LRP1B: variants seen among roughly 807,000 people sequenced by gnomAD.
LRP1B encodes the protein LDL receptor related protein 1B, also known as low-density lipoprotein receptor-related protein 1B.
LRP1B carries 217 observed loss-of-function variants against 556.6 expected under a neutral mutation model. That is an observed-to-expected ratio of 0.39 (90% CI 0.35 to 0.44). The LOEUF (loss-of-function observed/expected upper bound fraction) is 0.44, where lower values mean the gene tolerates loss of function less well. Among genes scored for constraint, LRP1B ranks in the 20% least tolerant of loss-of-function variants. LRP1B has a pLI of 1.00. For missense variants in LRP1B, 5,053 were observed against 5,620.8 expected (o/e 0.90, Z 3.23); for synonymous variants, 2,047 against 1,865.8 (o/e 1.10, Z -2.50).
At chr2:140,730,508 AAC>A (rs550310988) in intron 35 of LRP1B, among the ~76,000 whole-genome samples, 70 of 152,304 alleles carry the variant, frequency 4.6e-4, no homozygotes, top group African/African-American at 1.7e-3. Context: ...TATAAAATTA[AAC>A]AGTTATAATA....
At chr2:141,606,993 C>A (rs537720669) in intron 2 of LRP1B, among the ~76,000 whole-genome samples, 1 of 151,938 alleles carries the variant, frequency 6.6e-6, no homozygotes, top group African/African-American at 2.4e-5. Context: ...CCCTCCCTCC[C>A]TTCCTTCCTT....
chr2:141,883,949 T>G (rs1348925386), intron 1 of LRP1B, among the ~76,000 whole-genome samples: 3 of 152,216 alleles, frequency 2.0e-5, no homozygotes, highest in Non-Finnish European at 4.4e-5. Context: ...GTAATTGTCA[T>G]GAAAGGAAGA....
rs530109594 is a variant in LRP1B at position 141,728,440 on chromosome 2, A to C, written c.205+81839T>G. On this transcript the variant is annotated intron_variant, in intron 2 of 90. Coordinates refer to ENST00000389484, the MANE Select transcript of LRP1B (RefSeq NM_018557.3). ...AATAAAGGAAGAGAGAGTCTAGGGA[A>C]TGATTCCTTTCTATTTTACTTTTTT... Among the ~76,000 whole-genome samples, 25 of 152,214 alleles carry C rather than the reference A, an allele frequency of 1.6e-4. No individual in the cohort carries two copies. The East Asian group carries it at 4.5e-3, about 27-fold the overall frequency.
intron 41 of LRP1B, among the ~76,000 whole-genome samples, chr2:140,635,985 T>C (rs1191832085): frequency 6.6e-6 from 1 of 152,044 alleles, no homozygotes; most frequent in Non-Finnish European, 1.5e-5. Context: ...TTCTTTGAGG[T>C]CTGTTGATAG....
chr2:141,904,644 G>A (rs139846912), intron 1 of LRP1B, among the ~76,000 whole-genome samples: 79 of 151,978 alleles, frequency 5.2e-4, no homozygotes, highest in African/African-American at 1.9e-3. Context: ...GCAGTGACAT[G>A]AACTAAATGG....
chr2:140,549,523 C>T (rs1680468146), intron 43 of LRP1B, among the ~76,000 whole-genome samples: 1 of 152,164 alleles, frequency 6.6e-6, no homozygotes, highest in Non-Finnish European at 1.5e-5. Context: ...CTCATTGTAT[C>T]ACTGTCATGG....
chr2:140,994,745 G>A (rs1697193311), intron 15 of LRP1B, among the ~76,000 whole-genome samples: 1 of 151,688 alleles, frequency 6.6e-6, no homozygotes, highest in Non-Finnish European at 1.5e-5. Context: ...TAAAAATAAT[G>A]TCCTAAAATT....
chr2:140,829,427 A>C (rs1044043898), intron 31 of LRP1B, among the ~76,000 whole-genome samples: 6 of 152,222 alleles, frequency 3.9e-5, no homozygotes, highest in Non-Finnish European at 8.8e-5. Flanking sequence ...AAATTGTATC[A>C]AGTTTCTCTC....
At chr2:141,600,573 GT>G (rs1379081823) in intron 2 of LRP1B, among the ~76,000 whole-genome samples, 3 of 151,538 alleles carry the variant, frequency 2.0e-5, no homozygotes, top group Non-Finnish European at 2.9e-5. Flanking sequence ...AACTGCAAAC[GT>G]AACCACCATT....
chr2:141,508,060 T>C (rs1248881206), intron 2 of LRP1B, among the ~76,000 whole-genome samples: 1 of 148,098 alleles, frequency 6.8e-6, no homozygotes, highest in Non-Finnish European at 1.5e-5. Context: ...CATTCCAGTC[T>C]GGATGAAAGA....
At chr2:141,653,737 A>G (rs1307167376) in intron 2 of LRP1B, among the ~76,000 whole-genome samples, 3 of 152,230 alleles carry the variant, frequency 2.0e-5, no homozygotes, top group Non-Finnish European at 4.4e-5. Context: ...CAACCTGAGT[A>G]TATTAATGTG....
intron 63 of LRP1B, among the ~76,000 whole-genome samples, chr2:140,446,688 A>C (rs7422845): frequency 0.17 from 25,806 of 152,066 alleles, 2,444 homozygotes; most frequent in Non-Finnish European, 0.22. Context: ...GAAAGCTCAC[A>C]GAGATAATGT....
chr2:140,707,715 C>A (rs1398264373), intron 37 of LRP1B, among the ~76,000 whole-genome samples: 1 of 151,944 alleles, frequency 6.6e-6, no homozygotes, highest in East Asian at 1.9e-4. Flanking sequence ...TTCTGTGAGG[C>A]CTTATTCACA....
intron 35 of LRP1B, among the ~76,000 whole-genome samples, chr2:140,732,280 T>G (rs934436779): frequency 7.2e-5 from 11 of 152,138 alleles, no homozygotes; most frequent in Non-Finnish European, 1.6e-4. Flanking sequence ...GCTAATCAAA[T>G]TCTGAAACTT....
chr2:141,459,023 G>A (rs149206679), intron 3 of LRP1B, among the ~76,000 whole-genome samples: 5 of 152,302 alleles, frequency 3.3e-5, no homozygotes, highest in African/African-American at 9.6e-5. Context: ...CAAAATGGCA[G>A]TCCAGAAACA....
intron 1 of LRP1B, among the ~76,000 whole-genome samples, chr2:141,908,924 C>G (rs1253494749): frequency 6.6e-6 from 1 of 152,018 alleles, no homozygotes; most frequent in Admixed American, 6.6e-5. Context: ...AAATGAAGAA[C>G]ATGAGATCAG....
intron 3 of LRP1B, among the ~76,000 whole-genome samples, chr2:141,283,247 TA>T (rs1395953995): frequency 3.3e-5 from 5 of 152,102 alleles, no homozygotes; most frequent in Non-Finnish European, 7.4e-5. Flanking sequence ...TTCCCTGAAG[TA>T]AATTGCATGT....
chr2:141,093,873 C>A (rs1194803194), intron 7 of LRP1B, among the ~76,000 whole-genome samples: 1 of 152,070 alleles, frequency 6.6e-6, no homozygotes, highest in Non-Finnish European at 1.5e-5. Context: ...CACCACCATG[C>A]CTGGCTAATT....
At chr2:140,429,603 C>T (rs976884342) in intron 66 of LRP1B, among the ~76,000 whole-genome samples, 38 of 152,284 alleles carry the variant, frequency 2.5e-4, no homozygotes, top group Admixed American at 2.5e-3. Flanking sequence ...CGTGCTCTCC[C>T]TGCTGATCGT....
Sources: gnomAD v4.1 joint callset for allele counts (sites outside exome capture counted in the v4.1 genomes callset) on GRCh38, gnomAD v4.1.1 for gene constraint, MANE v1.5 for transcripts, NCBI Gene and HGNC (gene_info 2026-07-23, HGNC 2026-07-21) for gene names.